OLFM3: variants seen among roughly 807,000 people sequenced by gnomAD.
OLFM3 encodes olfactomedin 3, also known as noelin-3.
In OLFM3, 20 loss-of-function variants were observed where a neutral mutation model predicts 48.6. The ratio of observed to expected loss-of-function variants is 0.41; its 90% confidence interval spans 0.29 to 0.60. The LOEUF is 0.60. OLFM3 is among the 20% of genes least tolerant of loss of function. OLFM3 has a pLI of 0.28. For missense variants in OLFM3, 437 were observed against 544.3 expected (o/e 0.80, Z 1.96); for synonymous variants, 222 against 198.1 (o/e 1.12, Z -1.01).
chr1:101,873,902 T>G (rs548788970), intron 1 of OLFM3, among the ~76,000 whole-genome samples: 21 of 152,044 alleles, frequency 1.4e-4, no homozygotes, highest in African/African-American at 4.8e-4. Context: ...ATTGTTATTC[T>G]CCAAAAATTT....
intron 4 of OLFM3, among the ~76,000 whole-genome samples, chr1:101,816,031 C>T (rs1048495694): frequency 2.6e-5 from 4 of 151,924 alleles, no homozygotes; most frequent in African/African-American, 9.7e-5. Flanking sequence ...TTAAGAAATC[C>T]AAAAGAAGAA....
intron 1 of OLFM3, among the ~76,000 whole-genome samples, chr1:101,929,168 G>A (rs1050887301): frequency 1.3e-5 from 2 of 152,106 alleles, no homozygotes; most frequent in African/African-American, 4.8e-5. Context: ...TCTTAACTAA[G>A]CAGATATTCA....
chr1:101,870,786 T>A (rs995800561), intron 1 of OLFM3, among the ~76,000 whole-genome samples: 6 of 152,064 alleles, frequency 3.9e-5, no homozygotes, highest in Non-Finnish European at 7.4e-5. Flanking sequence ...AGAGCTTTTT[T>A]AAAATATCCA....
intron 1 of OLFM3, among the ~76,000 whole-genome samples, chr1:101,875,844 AG>A (rs778743989): frequency 6.6e-6 from 1 of 152,052 alleles, no homozygotes; most frequent in Non-Finnish European, 1.5e-5. Context: ...CTACAAGGAA[AG>A]ACTTCAACAC....
chr1:101,837,621 T>C (rs1375154518), intron 1 of OLFM3: 1 of 152,156 alleles, frequency 6.6e-6, no homozygotes, highest in Non-Finnish European at 1.5e-5. Context: ...GTCTGCCAAA[T>C]TGATTTTCCC....
intron 1 of OLFM3, among the ~76,000 whole-genome samples, chr1:101,977,183 T>C (rs1479946882): frequency 2.6e-5 from 4 of 152,164 alleles, no homozygotes; most frequent in Non-Finnish European, 5.9e-5. Context: ...TTAAATAAAA[T>C]GAATTTGGAG....
intron 1 of OLFM3, among the ~76,000 whole-genome samples, chr1:101,945,254 C>T (rs1342725879): frequency 1.3e-5 from 2 of 152,080 alleles, no homozygotes; most frequent in Non-Finnish European, 2.9e-5. Context: ...ATGAAAACAA[C>T]TCAAATGTCT....
intron 1 of OLFM3, among the ~76,000 whole-genome samples, chr1:101,961,289 G>T (rs1432442086): frequency 1.3e-5 from 2 of 151,766 alleles, no homozygotes; most frequent in Non-Finnish European, 2.9e-5. Context: ...ATTTGTAAAT[G>T]GAAAATTTAA....
At chr1:101,901,401 G>T (rs182855219) in intron 1 of OLFM3, among the ~76,000 whole-genome samples, 2 of 152,048 alleles carry the variant, frequency 1.3e-5, no homozygotes, top group Non-Finnish European at 2.9e-5. Flanking sequence ...GAAACAATGA[G>T]TACTGTACAT....
In OLFM3 at chr1:101,887,826, G is replaced by GA. The variant is rs888324667; in HGVS notation, c.70-50802dup. Among the ~76,000 whole-genome samples the GA allele has an allele frequency of 3.4e-3, 494 of 145,352 alleles. 4 individuals carry two copies. Among genetic ancestry groups the GA allele is most frequent in the African/African-American group, 0.011 (450 of 39,716 alleles). ...ATCCCACAGCTGAGCACATTATACA[G>GA]AAAAAAAAAAGCATCAGTATATGTG... On this transcript the variant is annotated intron_variant, in intron 1 of 5. Transcript: ENST00000370103.
At chr1:101,871,987 G>C (rs1003563897) in intron 1 of OLFM3, among the ~76,000 whole-genome samples, 2 of 152,084 alleles carry the variant, frequency 1.3e-5, no homozygotes, top group Non-Finnish European at 2.9e-5. Flanking sequence ...CTCACTTTGA[G>C]TTAAAGATTT....
At chr1:101,892,400 GCAA>G (rs949287825) in intron 1 of OLFM3, among the ~76,000 whole-genome samples, 1 of 139,366 alleles carries the variant, frequency 7.2e-6, no homozygotes, top group Non-Finnish European at 1.6e-5. Flanking sequence ...CTTATGAGCA[GCAA>G]CAACTGAAGA....
intron 4 of OLFM3, among the ~76,000 whole-genome samples, chr1:101,824,694 T>C (rs1654775486): frequency 6.6e-6 from 1 of 151,974 alleles, no homozygotes; most frequent in South Asian, 2.1e-4. Flanking sequence ...AAAAACAGTT[T>C]CTTTTTCCAC....
chr1:101,863,413 A>G (rs978569760), intron 1 of OLFM3, among the ~76,000 whole-genome samples: 1 of 152,206 alleles, frequency 6.6e-6, no homozygotes, highest in Non-Finnish European at 1.5e-5. Context: ...CCCTTCAAAT[A>G]TCAAGCTACT....
At chr1:101,829,702 C>T (rs2100908909) in intron 3 of OLFM3, among the ~76,000 whole-genome samples, 1 of 152,354 alleles carries the variant, frequency 6.6e-6, no homozygotes, top group African/African-American at 2.4e-5. Context: ...ATCTCACTTC[C>T]TAACTGACAA....
intron 1 of OLFM3, among the ~76,000 whole-genome samples, chr1:101,869,260 C>G (rs1656977402): frequency 1.3e-5 from 2 of 152,180 alleles, no homozygotes; most frequent in Admixed American, 1.3e-4. Flanking sequence ...CCCTGCAAAG[C>G]CACAAGAGCA....
rs144680037 is a variant in OLFM3 at position 101,966,933 on chromosome 1, G to T, written c.69+29815C>A. The stretch of plus-strand genomic sequence containing the variant: ...ATAAGTACAATGTAAGCTTCCTGAA[G>T]GGAAATATTCTGAATATCTACTATA... On this transcript the variant is annotated intron_variant, in intron 1 of 5. Coordinates refer to ENST00000370103, the MANE Select transcript of OLFM3 (RefSeq NM_058170.4). Among the ~76,000 whole-genome samples, 837 of 152,214 alleles carry T rather than the reference G, an allele frequency of 5.5e-3. 8 individuals carry two copies. Among genetic ancestry groups the T allele is most frequent in the Middle Eastern group, 0.01 (3 of 294 alleles).
chr1:101,937,455 G>T lies in OLFM3; in HGVS notation c.69+59293C>A, dbSNP rs6678344. 9.8e-3 allele frequency among the ~76,000 whole-genome samples: 1,484 copies of T among 152,062 alleles called. 28 individuals carry two copies. Among genetic ancestry groups the T allele is most frequent in the African/African-American group, 0.034 (1,422 of 41,462 alleles). On this transcript the variant is annotated intron_variant, in intron 1 of 5. Coordinates refer to ENST00000370103, the MANE Select transcript of OLFM3 (RefSeq NM_058170.4). Reference sequence around the variant, plus strand: ...TTCCCACATGTTGTGGGAGGGCCCCGGTGGGAGGTAATTGAATCATGGCGG... The same window carrying T: ...TTCCCACATGTTGTGGGAGGGCCCCTGTGGGAGGTAATTGAATCATGGCGG...
intron 2 of OLFM3, among the ~76,000 whole-genome samples, chr1:101,836,060 CAG>C (rs1421382696): frequency 6.6e-6 from 1 of 152,178 alleles, no homozygotes; most frequent in African/African-American, 2.4e-5. Flanking sequence ...TGACATCACA[CAG>C]AGTCAATTGT....
Sources: allele counts gnomAD v4.1 joint callset (sites outside exome capture counted in the v4.1 genomes callset), GRCh38; gene constraint gnomAD v4.1.1; transcripts MANE v1.5; gene names NCBI Gene and HGNC (gene_info 2026-07-23, HGNC 2026-07-21).